The following DCC variants were observed in gnomAD, a reference collection of about 807,000 sequenced individuals.
DCC encodes DCC netrin 1 receptor.
In DCC, 58 loss-of-function variants were observed where a neutral mutation model predicts 172.5. That is an observed-to-expected ratio of 0.34 (90% CI 0.27 to 0.42). The LOEUF is 0.42. DCC is among the 10% of genes least tolerant of loss of function. DCC has a pLI of 1.00. For missense variants in DCC, 1,740 were observed against 1,791.0 expected (o/e 0.97, Z 0.51); for synonymous variants, 709 against 644.5 (o/e 1.10, Z -1.52).
chr18:52,365,521 T>TTG (rs1984807334), intron 1 of DCC, among the ~76,000 whole-genome samples: 1 of 143,636 alleles, frequency 7.0e-6, no homozygotes, highest in African/African-American at 2.7e-5. Flanking sequence ...TGCCAATTGC[T>TTG]TGGGTGGGGT....
At chr18:53,279,331 G>C (rs1305783474) in intron 12 of DCC, among the ~76,000 whole-genome samples, 1 of 151,830 alleles carries the variant, frequency 6.6e-6, no homozygotes, top group African/African-American at 2.4e-5. Flanking sequence ...AAAATGATGA[G>C]TTCATGTCCT....
chr18:53,251,490 T>G (rs1006176325), intron 12 of DCC, among the ~76,000 whole-genome samples: 8 of 152,012 alleles, frequency 5.3e-5, no homozygotes, highest in Admixed American at 3.9e-4. Context: ...ATTTATATGC[T>G]AAATAATCAA....
intron 5 of DCC, among the ~76,000 whole-genome samples, chr18:53,056,565 G>A (rs527379382): frequency 6.6e-6 from 1 of 152,234 alleles, no homozygotes; most frequent in African/African-American, 2.4e-5. Context: ...TTTGGATTTA[G>A]AGGTAGCCCA....
intron 1 of DCC, among the ~76,000 whole-genome samples, chr18:52,720,983 TGA>T (rs2036465632): frequency 1.3e-5 from 2 of 152,308 alleles, no homozygotes; most frequent in South Asian, 4.1e-4. Context: ...CCCTCTTGTC[TGA>T]AGGATACCTA....
chr18:53,356,721 A>T (rs2057882689), intron 15 of DCC, among the ~76,000 whole-genome samples: 1 of 152,136 alleles, frequency 6.6e-6, no homozygotes, highest in African/African-American at 2.4e-5. Flanking sequence ...ATGATGACTT[A>T]AGAGGGACAA....
At chr18:53,205,189 T>C in intron 9 of DCC, 27 bp from the exon 10 acceptor site, 2 of 1,600,472 alleles carry the variant, frequency 1.2e-6, no homozygotes, top group African/African-American at 1.3e-5. Context: ...TCACTTTTCT[T>C]TCTTTCTTTA....
intron 1 of DCC, among the ~76,000 whole-genome samples, chr18:52,581,532 T>C (rs1230466439): frequency 1.3e-5 from 2 of 152,144 alleles, no homozygotes; most frequent in South Asian, 2.1e-4. Flanking sequence ...AGTGACAGCC[T>C]ATATAAGTAA....
chr18:52,663,450 T>G (rs2035401623), intron 1 of DCC, among the ~76,000 whole-genome samples: 1 of 152,136 alleles, frequency 6.6e-6, no homozygotes, highest in Admixed American at 6.5e-5. Context: ...AGTGTTGTAC[T>G]GCTAAGTGGA....
chr18:53,021,135 A>G (rs546436249), intron 5 of DCC, among the ~76,000 whole-genome samples: 19 of 152,266 alleles, frequency 1.2e-4, no homozygotes, highest in Non-Finnish European at 2.5e-4. Context: ...GACAGTCCAC[A>G]AAGGTCGGCT....
intron 1 of DCC, among the ~76,000 whole-genome samples, chr18:52,593,310 C>T (rs988957435): frequency 6.6e-6 from 1 of 152,178 alleles, no homozygotes; most frequent in Non-Finnish European, 1.5e-5. Context: ...TGATTATTCA[C>T]GTGGTGTGAT....
chr18:52,483,031 C>T (rs2030032786), intron 1 of DCC, among the ~76,000 whole-genome samples: 1 of 152,044 alleles, frequency 6.6e-6, no homozygotes, highest in Non-Finnish European at 1.5e-5. Flanking sequence ...CTGGGATAAT[C>T]CTCCTTTGCC....
chr18:53,174,448 AAG>A (rs1480144061), intron 8 of DCC, among the ~76,000 whole-genome samples: 1 of 150,254 alleles, frequency 6.7e-6, no homozygotes, highest in Non-Finnish European at 1.5e-5. Flanking sequence ...TAAAGAAAAA[AAG>A]AGAGAAGAAT....
At chr18:53,266,474 C>A (rs534551075) in intron 12 of DCC, among the ~76,000 whole-genome samples, 1 of 152,260 alleles carries the variant, frequency 6.6e-6, no homozygotes, top group East Asian at 1.9e-4. Flanking sequence ...TTTACAAACA[C>A]TCAAAGTTGA....
Position 53,189,193 on chromosome 18 carries a change from ATATG to A in DCC, c.1573+10079_1573+10082del, listed in dbSNP as rs772282299. Among the ~76,000 whole-genome samples the A allele has an allele frequency of 5.3e-5, 8 of 152,158 alleles. No homozygotes were observed. The South Asian group carries it at 1.7e-3, about 31-fold the overall frequency. On this transcript the variant is annotated intron_variant, in intron 9 of 28. Coordinates refer to ENST00000442544, the MANE Select transcript of DCC (RefSeq NM_005215.4). Reference sequence around the variant, plus strand: ...CATGTATATATATGTGTGTGTGTATATATGTGTATATGTGTAGATATGTGTATAT... The same window carrying A: ...CATGTATATATATGTGTGTGTGTATATGTATATGTGTAGATATGTGTATAT...
At chr18:52,793,378 T>A (rs1465058348) in intron 2 of DCC, among the ~76,000 whole-genome samples, 1 of 152,178 alleles carries the variant, frequency 6.6e-6, no homozygotes, top group Non-Finnish European at 1.5e-5. Context: ...ACAGGCTATT[T>A]ATTAGAAAAT....
At chr18:53,415,805 T>G (rs888768748) in intron 20 of DCC, among the ~76,000 whole-genome samples, 2 of 95,294 alleles carry the variant, frequency 2.1e-5, no homozygotes, top group African/African-American at 5.3e-5. Context: ...ACTTGGTAAT[T>G]GCATGCAGTT....
chr18:52,716,955 G>A (rs1264333480), intron 1 of DCC, among the ~76,000 whole-genome samples: 1 of 152,190 alleles, frequency 6.6e-6, no homozygotes, highest in African/African-American at 2.4e-5. Flanking sequence ...GGAATTACAA[G>A]TGACCAAGAT....
In DCC at chr18:53,071,968, A is replaced by G. The variant is rs151116760; in HGVS notation, c.1261+5802A>G. 7.2e-3 allele frequency among the ~76,000 whole-genome samples: 1,097 copies of G among 152,204 alleles called. 10 individuals carry two copies. The highest frequency in any genetic ancestry group is 0.025 in the African/African-American group (1,049 of 41,518). ...ACATGGAGAAACCCCATCTCTACTA[A>G]AAATACAAAATTAGTTGGGCATGGT... On this transcript the variant is annotated intron_variant, in intron 7 of 28. Coordinates refer to ENST00000442544, the MANE Select transcript of DCC (RefSeq NM_005215.4).
intron 5 of DCC, among the ~76,000 whole-genome samples, chr18:53,021,473 A>G (rs963545648): frequency 3.9e-5 from 6 of 152,176 alleles, no homozygotes; most frequent in African/African-American, 1.4e-4. Context: ...GGCACAGTGG[A>G]AACTGTGAAA....
Sources: gnomAD v4.1 joint callset for allele counts (sites outside exome capture counted in the v4.1 genomes callset) on GRCh38, gnomAD v4.1.1 for gene constraint, MANE v1.5 for transcripts, NCBI Gene and HGNC (gene_info 2026-07-23, HGNC 2026-07-21) for gene names.